Variants in NOL9 observed in about 807,000 individuals in gnomAD.
The protein encoded by NOL9 is nucleolar protein 9, also known as polynucleotide 5'-hydroxyl-kinase NOL9.
A neutral mutation model predicts 67.9 loss-of-function variants in NOL9; 28 were observed. That is an observed-to-expected ratio of 0.41 (90% CI 0.31 to 0.57). The LOEUF is 0.57. Among genes scored for constraint, NOL9 ranks in the 20% least tolerant of loss-of-function variants. The pLI is 0.25. For synonymous variants in NOL9, 356 were observed against 352.2 expected (o/e 1.01, Z -0.12); for missense variants, 777 against 897.0 (o/e 0.87, Z 1.71).
At chr1:6,542,551 G>A (rs747820564) in intron 5 of NOL9, among the ~76,000 whole-genome samples, 3 of 150,828 alleles carry the variant, frequency 2.0e-5, no homozygotes, top group African/African-American at 2.4e-5. Context: ...TCCGTCTCCC[G>A]GGCTTGAGCA....
intron 10 of NOL9, among the ~76,000 whole-genome samples, chr1:6,527,286 T>C (rs956469129): frequency 6.7e-6 from 1 of 150,126 alleles, no homozygotes; most frequent in Non-Finnish European, 1.5e-5. Flanking sequence ...GATGGAGTCC[T>C]TGAACACTGG....
intron 10 of NOL9, among the ~76,000 whole-genome samples, chr1:6,528,371 G>A (rs760997744): frequency 1.3e-5 from 2 of 152,306 alleles, no homozygotes; most frequent in African/African-American, 4.8e-5. Flanking sequence ...AGATGCCGGT[G>A]GCTGACTAGC....
rs190054138 is a variant in NOL9 at position 6,543,294 on chromosome 1, C to T, written c.978-1367G>A. 2.9e-3 allele frequency among the ~76,000 whole-genome samples: 444 copies of T among 151,784 alleles called. 1 individual carries two copies. The highest frequency in any genetic ancestry group is 6.2e-3 in the South Asian group (30 of 4,804). On this transcript the variant is annotated intron_variant, in intron 5 of 11. Transcript: ENST00000377705. ...CACTGCAAGCTCCTCCTCCCAGGTTCACGCCATTCTCCTGCCTCAGCCTCC... is the reference window on the plus strand; with the variant it reads ...CACTGCAAGCTCCTCCTCCCAGGTTTACGCCATTCTCCTGCCTCAGCCTCC...
intron 1 of NOL9, among the ~76,000 whole-genome samples, chr1:6,551,522 T>A (rs1368995323): frequency 1.3e-5 from 2 of 149,564 alleles, no homozygotes; most frequent in East Asian, 3.9e-4. Flanking sequence ...ATCGCTTGAA[T>A]CCAGAGGCAA....
rs1268855303 is a variant in NOL9, at chr1:6,526,902, A to G, written c.1826-73T>C. 9 of 1,495,708 alleles carry G rather than the reference A, an allele frequency of 6.0e-6. No individual in the cohort carries two copies. The East Asian group carries it at 1.6e-4, about 27-fold the overall frequency. 92.7% of individuals were successfully genotyped at this position (1,495,708 alleles called of 1,614,324 possible). A position where few individuals can be genotyped will look rare whatever the true frequency, so the allele number is the denominator to read the frequency against. ...AAACTTCTCCATCGTTAGAAACTGC[A>G]GAATGGTTTTGAACATAAGTCTTTA... On this transcript the variant is annotated intron_variant, in intron 10 of 11. Transcript: ENST00000377705.
rs138351477 is a variant in NOL9, at chr1:6,530,369, G to A, written c.1648-1198C>T. Among the ~76,000 whole-genome samples the A allele has an allele frequency of 7.7e-3, 1,174 of 152,112 alleles. 14 individuals carry two copies. Among genetic ancestry groups the A allele is most frequent in the African/African-American group, 0.027 (1,131 of 41,504 alleles). On this transcript the variant is annotated intron_variant, in intron 9 of 11. Coordinates refer to ENST00000377705, the MANE Select transcript of NOL9 (RefSeq NM_024654.5). ...CTCGGGAGGCTGACGCAGGAGAATC[G>A]CTTGAACCCGGGAGGCGGAGGTTGC...
rs769789852 is a variant in NOL9, at chr1:6,528,968, T to C, written c.1825+26A>G. 3.1e-6 allele frequency: 5 copies of C among 1,610,570 alleles called. No individual in the cohort carries two copies. In the East Asian group the frequency reaches 8.9e-5, roughly 29 times the overall value. Reference sequence around the variant, plus strand: ...CAGTGGATCCTTTTCAGTAGGTTTATGGATATGTTTTACTCTCAGACTCAC... The same window carrying C: ...CAGTGGATCCTTTTCAGTAGGTTTACGGATATGTTTTACTCTCAGACTCAC... On this transcript the variant is annotated intron_variant, in intron 10 of 11. Transcript: ENST00000377705.
chr1:6,525,780 C>T lies in NOL9; in HGVS notation c.*74G>A, dbSNP rs1320372705. 35 of 1,506,748 alleles carry T rather than the reference C, an allele frequency of 2.3e-5. No individual in the cohort carries two copies. Among genetic ancestry groups the T allele is most frequent in the Non-Finnish European group, 3.1e-5 (34 of 1,091,038 alleles). 93.3% of individuals were successfully genotyped at this position (1,506,748 alleles called of 1,614,324 possible). On this transcript the variant is annotated 3_prime_UTR_variant, in exon 12 of 12. Coordinates refer to ENST00000377705, the MANE Select transcript of NOL9 (RefSeq NM_024654.5). ...ACCATTCATGGCCATGAAACTCCATCATGTCTCTTGTGGTCAGGCTTGAGA... is the reference window on the plus strand; with the variant it reads ...ACCATTCATGGCCATGAAACTCCATTATGTCTCTTGTGGTCAGGCTTGAGA...
chr1:6,526,710 C>G lies in NOL9; in HGVS notation c.1945G>C (p.Val649Leu). The change falls in exon 11 of 12, where the codon GTC becomes CTC. Residue 649 changes from valine to leucine, a missense_variant. Val to Leu is a conservative substitution (Grantham distance 32, BLOSUM62 1). This residue lies in a region of NOL9 where 413 missense variants were observed against 552.6 expected (regional missense o/e 0.75). Coordinates refer to ENST00000377705, the MANE Select transcript of NOL9 (RefSeq NM_024654.5). ...GGAAGGCTCACCTGGCACTTAAGGA[C>G]ACAATGTGGAATGGCAATAGCTCCA... ...LVGAIAIPHC[V>L]LKCQRGIEGT... is the part of the protein sequence containing the mutation. 6.2e-7 allele frequency: 1 copy of G among 1,612,940 alleles called. No individual in the cohort carries two copies. The highest frequency in any genetic ancestry group is 1.1e-5 in the South Asian group (1 of 90,894).
chr1:6,545,331 G>A (rs1639395896), intron 3 of NOL9, 151 bp from the exon 4 acceptor site: 1 of 714,896 alleles, frequency 1.4e-6, no homozygotes, highest in Non-Finnish European at 2.3e-6. Context: ...ATCAACAAGT[G>A]TTGCCAACTG....
At position 6,554,206 on chromosome 1, in the gene NOL9, G is replaced by C. The variant is rs1312573850; in HGVS notation, c.297C>G (p.Pro99=). Residue 99 remains proline, a synonymous_variant, in exon 1 of 12, where the codon CCC becomes CCG. Transcript: ENST00000377705. The stretch of plus-strand genomic sequence containing the variant: ...GGCAACTCGAGGCGGATTCGAGTTC[G>C]GGTTCGGACTCGGGTTCGGAGGCCG... The part of the protein sequence containing the change: ...PTPASEPESE[P]ELESASSCHR... 1 of 1,520,862 alleles carries C rather than the reference G, an allele frequency of 6.6e-7. No homozygotes were observed. The highest frequency in any genetic ancestry group is 8.8e-7 in the Non-Finnish European group (1 of 1,133,444). The allele number at this position is 1,520,862 out of a possible 1,614,324, so 94.2% of individuals were successfully genotyped here.
intron 10 of NOL9, 149 bp from the exon 11 acceptor site, chr1:6,526,978 G>T: frequency 2.8e-6 from 3 of 1,057,338 alleles, no homozygotes; most frequent in South Asian, 2.0e-5. Context: ...AGGTGCAGTG[G>T]CTCACGCCTG....
intron 7 of NOL9, 57 bp from the exon 8 acceptor site, chr1:6,532,817 G>C: frequency 2.1e-6 from 3 of 1,455,828 alleles, no homozygotes; most frequent in African/African-American, 2.8e-5. Flanking sequence ...ACGCGCTCAA[G>C]AACAGTGACA....
intron 1 of NOL9, among the ~76,000 whole-genome samples, chr1:6,552,550 G>A (rs1298510003): frequency 2.6e-5 from 4 of 151,838 alleles, no homozygotes; most frequent in African/African-American, 9.7e-5. Flanking sequence ...TGCCTCCAGA[G>A]TAGCTGGGAT....
At chr1:6,530,442 G>A (rs7552196) in intron 9 of NOL9, among the ~76,000 whole-genome samples, 119,161 of 152,198 alleles carry the variant, frequency 0.78, 48,115 homozygotes, top group Non-Finnish European at 0.87. Flanking sequence ...CAACAAGAGT[G>A]AAATTCCATC....
At position 6,526,795 on chromosome 1, in the gene NOL9, C is replaced by T; in HGVS notation, c.1860G>A (p.Leu620=). 1 of 1,613,340 alleles carries T rather than the reference C, an allele frequency of 6.2e-7. No individual in the cohort carries two copies. The highest frequency in any genetic ancestry group is 1.1e-5 in the South Asian group (1 of 91,014). The change falls in exon 11 of 12, where the codon CTG becomes CTA. Residue 620 remains leucine, a synonymous_variant. Coordinates refer to ENST00000377705, the MANE Select transcript of NOL9 (RefSeq NM_024654.5). The stretch of plus-strand genomic sequence containing the variant: ...GGGGCACAGGGGTGAGGATGTGGTA[C>T]AGCCGCTTCTCCATGTCAATGCCTC... The part of the protein sequence containing the change: ...ICRGIDMEKR[L]YHILTPVPPE...
chr1:6,529,251 T>A, intron 9 of NOL9, 80 bp from the exon 10 acceptor site: 2 of 1,298,946 alleles, frequency 1.5e-6, no homozygotes, highest in Non-Finnish European at 2.2e-6. Flanking sequence ...ATTAACCAGC[T>A]ATCTAAAGAT....
At chr1:6,552,607 C>T (rs932860599) in intron 1 of NOL9, among the ~76,000 whole-genome samples, 1 of 147,826 alleles carries the variant, frequency 6.8e-6, no homozygotes, top group African/African-American at 2.5e-5. Flanking sequence ...TCAGGTGATC[C>T]GCCCACCTAG....
At chr1:6,551,811 C>A (rs1479401718) in intron 1 of NOL9, among the ~76,000 whole-genome samples, 1 of 151,940 alleles carries the variant, frequency 6.6e-6, no homozygotes, top group Non-Finnish European at 1.5e-5. Context: ...GCGGGTGGAT[C>A]ACAAGGTCAG....
Sources: gnomAD v4.1 joint callset for allele counts (sites outside exome capture counted in the v4.1 genomes callset) on GRCh38, gnomAD v4.1.1 for gene constraint, gnomAD v4.1.1 regional missense constraint, MANE v1.5 for transcripts, NCBI Gene and HGNC (gene_info 2026-07-23, HGNC 2026-07-21) for gene names.